TMEM156: variants seen among roughly 807,000 people sequenced by gnomAD.
The protein encoded by TMEM156 is transmembrane protein 156.
Under a neutral mutation model 30.5 loss-of-function variants are expected in TMEM156, and 28 were observed. The observed-to-expected ratio is 0.92, with a 90% CI of 0.68 to 1.26. The LOEUF is 1.26. Ranked by LOEUF, TMEM156 falls within the 50% of genes most tolerant of loss-of-function variation. The pLI is 0.00. For missense variants in TMEM156, 351 were observed against 340.6 expected (o/e 1.03, Z -0.24); for synonymous variants, 137 against 119.9 (o/e 1.14, Z -0.93).
At chr4:39,018,144 G>C (rs992275912) in intron 1 of TMEM156, among the ~76,000 whole-genome samples, 5 of 151,718 alleles carry the variant, frequency 3.3e-5, no homozygotes, top group Admixed American at 1.3e-4. Flanking sequence ...TGTGAGGTTA[G>C]ATACTATATT....
At chr4:38,986,463 G>A (rs201498951) in intron 4 of TMEM156, 44 bp from the exon 5 acceptor site, 292 of 1,413,518 alleles carry the variant, frequency 2.1e-4, no homozygotes, top group Middle Eastern at 1.6e-3. Context: ...ATAAACAAGC[G>A]CATTGTTAAC....
At chr4:38,969,122 A>C (rs1371987403) in intron 6 of TMEM156, among the ~76,000 whole-genome samples, 1 of 152,240 alleles carries the variant, frequency 6.6e-6, no homozygotes, top group Non-Finnish European at 1.5e-5. Context: ...TTGTGTAATT[A>C]TAGTCACGCT....
At position 39,000,757 on chromosome 4, in the gene TMEM156, G is replaced by T. The variant is rs182390703; in HGVS notation, c.89-1848C>A. Among the ~76,000 whole-genome samples, 1,141 of 151,928 alleles carry T rather than the reference G, an allele frequency of 7.5e-3. 13 individuals carry two copies. The highest frequency in any genetic ancestry group is 0.026 in the African/African-American group (1,082 of 41,436). ...CAAAACTTAGCCAGGCATGGTGGTG[G>T]GCACCTGTAGTCCCAGCTACTCAGG... On this transcript the variant is annotated intron_variant, in intron 1 of 6. Transcript: ENST00000381938.
intron 1 of TMEM156, among the ~76,000 whole-genome samples, chr4:39,005,333 T>C (rs1253392606): frequency 6.6e-6 from 1 of 152,170 alleles, no homozygotes; most frequent in Non-Finnish European, 1.5e-5. Context: ...TCCCCCAGGC[T>C]ATTCTTGGGA....
chr4:39,027,430 G>A (rs1191360727), intron 1 of TMEM156, among the ~76,000 whole-genome samples: 6 of 152,066 alleles, frequency 3.9e-5, no homozygotes, highest in African/African-American at 4.8e-5. Context: ...TTCACAAAGC[G>A]TGAAAGAGAA....
intron 3 of TMEM156, among the ~76,000 whole-genome samples, chr4:38,991,247 A>C (rs1294935948): frequency 1.4e-5 from 2 of 138,866 alleles, no homozygotes; most frequent in Non-Finnish European, 3.1e-5. Context: ...TTTTTGAGAC[A>C]GTGTTTCACT....
At chr4:38,994,614 G>A (rs12643669) in intron 2 of TMEM156, among the ~76,000 whole-genome samples, 55,985 of 151,838 alleles carry the variant, frequency 0.37, 10,774 homozygotes, top group East Asian at 0.65. Context: ...TAGTTTTTTA[G>A]GGCTGCTGTA....
chr4:39,028,820 A>G (rs2288633), intron 1 of TMEM156, among the ~76,000 whole-genome samples: 10,999 of 152,296 alleles, frequency 0.072, 639 homozygotes, highest in South Asian at 0.25. Context: ...GCATCAAACC[A>G]TTATATTAAC....
intron 6 of TMEM156, among the ~76,000 whole-genome samples, chr4:38,970,132 CTGTGTGTGTGTGTTTG>C (rs1029330569): frequency 4.1e-5 from 6 of 146,522 alleles, no homozygotes; most frequent in Non-Finnish European, 3.0e-5. Context: ...TCCTCACACA[CTGTGTGTGTGTGTTTG>C]TGTGTGTGTG....
In TMEM156 at chr4:38,988,942, C is replaced by A; in HGVS notation, c.648G>T (p.Trp216Cys). ...KNITCSMKITWYILVLLVFIF... is the reference protein window; with the variant it reads ...KNITCSMKITCYILVLLVFIF... ...TAAAAACTAATAGAACTAAAATATA[C>A]CAAGTGATCTTCATGGAACAAGTGA... The change falls in exon 4 of 7, where the codon TGG becomes TGT. Residue 216 changes from tryptophan to cysteine, a missense_variant. Transcript: ENST00000381938. 1 of 1,612,182 alleles carries A rather than the reference C, an allele frequency of 6.2e-7. No individual in the cohort carries two copies.
At chr4:39,026,515 A>G (rs902163135) in intron 1 of TMEM156, among the ~76,000 whole-genome samples, 1 of 152,212 alleles carries the variant, frequency 6.6e-6, no homozygotes, top group African/African-American at 2.4e-5. Context: ...CAAAGTGATG[A>G]AAAGCGTTAT....
intron 1 of TMEM156, among the ~76,000 whole-genome samples, chr4:39,000,118 G>A (rs1713231548): frequency 1.3e-5 from 2 of 152,214 alleles, no homozygotes; most frequent in African/African-American, 2.4e-5. Flanking sequence ...TCTAGGCTGG[G>A]TGTGGTGGCT....
At chr4:39,028,131 ACCCG>A (rs1003145855) in intron 1 of TMEM156, among the ~76,000 whole-genome samples, 2 of 151,746 alleles carry the variant, frequency 1.3e-5, no homozygotes, top group African/African-American at 4.8e-5. Flanking sequence ...CAGGTGATCC[ACCCG>A]CCTCGGCCTC....
intron 6 of TMEM156, among the ~76,000 whole-genome samples, chr4:38,970,146 T>TTGTGTG (rs71641397): frequency 1.4e-4 from 21 of 149,088 alleles, no homozygotes; most frequent in Admixed American, 2.0e-4. Flanking sequence ...GTGTGTGTGT[T>TTGTGTG]TGTGTGTGTG....
chr4:38,969,065 T>C (rs1722474990), intron 6 of TMEM156, among the ~76,000 whole-genome samples: 1 of 152,244 alleles, frequency 6.6e-6, no homozygotes, highest in African/African-American at 2.4e-5. Context: ...TGATTAGTGA[T>C]CAAGTCAGAA....
intron 5 of TMEM156, among the ~76,000 whole-genome samples, chr4:38,976,823 A>C (rs1463980687): frequency 6.6e-6 from 1 of 152,266 alleles, no homozygotes; most frequent in Non-Finnish European, 1.5e-5. Flanking sequence ...TTAAAGCTTC[A>C]GAATGAATTT....
intron 5 of TMEM156, among the ~76,000 whole-genome samples, chr4:38,984,355 G>C (rs1242415132): frequency 0.061 from 7,170 of 118,176 alleles, 479 homozygotes; most frequent in African/African-American, 0.22. Flanking sequence ...CTCTCTGTGT[G>C]TGTGTGTGTG....
intron 1 of TMEM156, among the ~76,000 whole-genome samples, chr4:39,014,493 T>C (rs1714348591): frequency 6.6e-6 from 1 of 152,146 alleles, no homozygotes; most frequent in Non-Finnish European, 1.5e-5. Context: ...GTGTGGTAGT[T>C]CACACCTGTA....
chr4:38,967,811 A>G (rs541692324), intron 6 of TMEM156, among the ~76,000 whole-genome samples, 170 bp from the exon 7 acceptor site: 23 of 152,380 alleles, frequency 1.5e-4, no homozygotes, highest in African/African-American at 5.3e-4. Flanking sequence ...TTTCAGGGCA[A>G]CCTGACCGCC....
Sources: gnomAD v4.1 joint callset for allele counts (sites outside exome capture counted in the v4.1 genomes callset) on GRCh38, gnomAD v4.1.1 for gene constraint, MANE v1.5 for transcripts, NCBI Gene and HGNC (gene_info 2026-07-23, HGNC 2026-07-21) for gene names.